The following MBP variants were observed in gnomAD, a reference collection of about 807,000 sequenced individuals.
The protein encoded by MBP is myelin basic protein.
Under a neutral mutation model 35.8 loss-of-function variants are expected in MBP, and 16 were observed. The observed-to-expected ratio is 0.45, with a 90% CI of 0.30 to 0.68. The LOEUF is 0.68. Among genes scored for constraint, MBP ranks in the 30% least tolerant of loss-of-function variants. The pLI is 0.08. For synonymous variants in MBP, 143 were observed against 159.6 expected (o/e 0.90, Z 0.78); for missense variants, 380 against 404.7 (o/e 0.94, Z 0.52).
At chr18:77,093,206 G>A (rs1285937781) in intron 2 of MBP, 2 of 152,260 alleles carry the variant, frequency 1.3e-5, no homozygotes, top group Non-Finnish European at 2.9e-5. Context: ...CCGGCTCTCC[G>A]GGAGCATCAG....
intron 2 of MBP, among the ~76,000 whole-genome samples, chr18:77,075,489 C>T (rs60400316): frequency 0.2 from 30,878 of 152,178 alleles, 3,392 homozygotes; most frequent in South Asian, 0.33. Flanking sequence ...CCAGGAGCAG[C>T]GGGCTGAAGG....
At chr18:77,059,473 CACTA>C (rs1352667803) in intron 3 of MBP, among the ~76,000 whole-genome samples, 1 of 116,310 alleles carries the variant, frequency 8.6e-6, no homozygotes, top group Non-Finnish European at 1.6e-5. Context: ...ATAAAGTAGT[CACTA>C]ATTATTTATA....
In MBP at chr18:77,009,197, C is replaced by T. The variant is rs556672663; in HGVS notation, c.576+7635G>A. On this transcript the variant is annotated intron_variant, in intron 4 of 8. Transcript: ENST00000355994. Reference sequence around the variant, plus strand: ...GCAGTGCCAGCTCTGGGCTTGTCCCCTTCCCCTTCTCCTCCTGGCTGTCCT... The same window carrying T: ...GCAGTGCCAGCTCTGGGCTTGTCCCTTTCCCCTTCTCCTCCTGGCTGTCCT... Among the ~76,000 whole-genome samples the T allele has an allele frequency of 1.5e-3, 221 of 152,330 alleles. 1 individual carries two copies. The highest frequency in any genetic ancestry group is 4.9e-3 in the African/African-American group (203 of 41,570).
intron 2 of MBP, among the ~76,000 whole-genome samples, chr18:77,100,928 C>T (rs889795253): frequency 3.9e-5 from 6 of 152,116 alleles, no homozygotes; most frequent in African/African-American, 1.4e-4. Flanking sequence ...AAAGAGTAAG[C>T]CCACAGCTCA....
At chr18:77,132,232 CT>C (rs1568355611) in intron 1 of MBP, among the ~76,000 whole-genome samples, 1 of 152,164 alleles carries the variant, frequency 6.6e-6, no homozygotes, top group African/African-American at 2.4e-5. Context: ...GAGTCCACCC[CT>C]GGACACCTGT....
At chr18:77,036,729 C>T (rs374098974) in intron 3 of MBP, among the ~76,000 whole-genome samples, 91 of 113,542 alleles carry the variant, frequency 8.0e-4, no homozygotes, top group East Asian at 1.6e-3. Context: ...CTGAGCTGAG[C>T]AAGTGCTGGT....
intron 2 of MBP, among the ~76,000 whole-genome samples, chr18:77,073,674 G>A (rs1974539734): frequency 6.6e-6 from 1 of 152,206 alleles, no homozygotes; most frequent in Non-Finnish European, 1.5e-5. Flanking sequence ...TGTTCATTAT[G>A]TAAACATCCT....
intron 1 of MBP, among the ~76,000 whole-genome samples, chr18:77,118,354 GC>G (rs1976762806): frequency 9.2e-5 from 14 of 151,954 alleles, no homozygotes; most frequent in Non-Finnish European, 1.8e-4. Context: ...CACAACATGG[GC>G]TGGATTCTGG....
At chr18:77,084,248 C>A (rs984926572) in intron 2 of MBP, among the ~76,000 whole-genome samples, 2 of 151,970 alleles carry the variant, frequency 1.3e-5, no homozygotes, top group Non-Finnish European at 2.9e-5. Flanking sequence ...TACTGTGAAG[C>A]TTGTCAGAAT....
intron 2 of MBP, among the ~76,000 whole-genome samples, chr18:77,092,017 A>T (rs2145031842): frequency 6.6e-6 from 1 of 152,378 alleles, no homozygotes; most frequent in Non-Finnish European, 1.5e-5. Flanking sequence ...TGGATTTTTT[A>T]GGTTTCATCT....
chr18:77,059,061 T>TCGGGGAAAATAATTTAGC (rs1973858926), intron 3 of MBP, among the ~76,000 whole-genome samples: 1 of 152,090 alleles, frequency 6.6e-6, no homozygotes, highest in Non-Finnish European at 1.5e-5. Context: ...CAGCACGAGT[T>TCGGGGAAAATAATTTAGC]CGGGGAAAAT....
At chr18:77,095,875 T>C (rs1043576719) in intron 2 of MBP, among the ~76,000 whole-genome samples, 1 of 152,184 alleles carries the variant, frequency 6.6e-6, no homozygotes. Flanking sequence ...GCACGCACCA[T>C]TTGGGCCTGA....
chr18:77,035,292 C>T (rs892238397), intron 3 of MBP, among the ~76,000 whole-genome samples: 1 of 152,228 alleles, frequency 6.6e-6, no homozygotes, highest in African/African-American at 2.4e-5. Context: ...TTCTAAGTGT[C>T]TCTTTGCCCA....
At chr18:77,021,106 C>A (rs1300102101) in intron 3 of MBP, among the ~76,000 whole-genome samples, 1 of 152,142 alleles carries the variant, frequency 6.6e-6, no homozygotes, top group Non-Finnish European at 1.5e-5. Flanking sequence ...CTCCGTACAG[C>A]CTTGGTATCA....
At chr18:77,108,847 T>C (rs1286781883) in intron 1 of MBP, 1 of 152,224 alleles carries the variant, frequency 6.6e-6, no homozygotes, top group Non-Finnish European at 1.5e-5. Context: ...CCTAGGTATT[T>C]TACTGATTTC....
chr18:77,091,834 A>ACACAC (rs1428132950), intron 2 of MBP, among the ~76,000 whole-genome samples: 1 of 152,110 alleles, frequency 6.6e-6, no homozygotes, highest in African/African-American at 2.4e-5. Context: ...GCACATGTAT[A>ACACAC]CACACCACAC....
intron 2 of MBP, among the ~76,000 whole-genome samples, chr18:77,087,943 C>A (rs892882825): frequency 6.6e-6 from 1 of 151,974 alleles, no homozygotes; most frequent in African/African-American, 2.4e-5. Context: ...ACTTCCACAG[C>A]CTATGTCCAC....
At chr18:76,985,334 G>T (rs1599463346) in intron 7 of MBP, 1 of 1,290,302 alleles carries the variant, frequency 7.8e-7, no homozygotes, top group Admixed American at 2.3e-5. Flanking sequence ...GCCGGTCCCC[G>T]GAGGCCCCGG....
At chr18:77,061,945 T>G (rs1042911510) in intron 3 of MBP, among the ~76,000 whole-genome samples, 2 of 152,218 alleles carry the variant, frequency 1.3e-5, no homozygotes, top group African/African-American at 4.8e-5. Flanking sequence ...TTACATGCTG[T>G]GCACACAGGA....
Sources: allele counts gnomAD v4.1 joint callset (sites outside exome capture counted in the v4.1 genomes callset), GRCh38; gene constraint gnomAD v4.1.1; transcripts MANE v1.5; gene names NCBI Gene and HGNC (gene_info 2026-07-23, HGNC 2026-07-21).